The following WDFY3 variants were observed in gnomAD, a reference collection of about 807,000 sequenced individuals.
WDFY3 encodes the protein WD repeat and FYVE domain containing 3, also known as WD repeat and FYVE domain-containing protein 3.
In WDFY3, 66 loss-of-function variants were observed where a neutral mutation model predicts 409.6. That is an observed-to-expected ratio of 0.16 (90% CI 0.13 to 0.20). WDFY3 has a LOEUF of 0.20. Among genes scored for constraint, WDFY3 ranks in the 10% least tolerant of loss-of-function variants. The pLI is 1.00. For missense variants in WDFY3, 3,031 were observed against 4,298.1 expected (o/e 0.71, Z 8.24); for synonymous variants, 1,521 against 1,537.1 (o/e 0.99, Z 0.25).
At position 84,812,805 on chromosome 4, in the gene WDFY3, T is replaced by C. The variant is rs534145377; in HGVS notation, c.1888-2461A>G. 3.2e-4 allele frequency among the ~76,000 whole-genome samples: 49 copies of C among 152,242 alleles called. 1 individual carries two copies. Among genetic ancestry groups the C allele is most frequent in the Middle Eastern group, 3.4e-3 (1 of 294 alleles). On this transcript the variant is annotated intron_variant, in intron 13 of 67. Coordinates refer to ENST00000295888, the MANE Select transcript of WDFY3 (RefSeq NM_014991.6). Reference sequence around the variant, plus strand: ...CTACTTCCTCAAAACTGGTATCTGTTGTTGCTCTGACATTATCCCAAGCAC... The same window carrying C: ...CTACTTCCTCAAAACTGGTATCTGTCGTTGCTCTGACATTATCCCAAGCAC...
At position 84,782,478 on chromosome 4, in the gene WDFY3, T is replaced by A. The variant is rs986072785; in HGVS notation, c.4174+485A>T. On this transcript the variant is annotated intron_variant, in intron 25 of 67. Transcript: ENST00000295888. ...GTGGTTTGCTGCACCTATAAACCTG[T>A]CACCTAGGTATTAAGCACCACATGC... Among the ~76,000 whole-genome samples the A allele has an allele frequency of 3.3e-5, 5 of 152,162 alleles. No individual in the cohort carries two copies. The South Asian group carries it at 1.0e-3, about 31-fold the overall frequency.
chr4:84,859,352 T>C (rs1409751269), intron 4 of WDFY3, among the ~76,000 whole-genome samples: 1 of 152,176 alleles, frequency 6.6e-6, no homozygotes, highest in Admixed American at 6.6e-5. Flanking sequence ...TGTATGTATG[T>C]ACATTATGGT....
intron 9 of WDFY3, 76 bp from the exon 10 acceptor site, chr4:84,827,057 A>T: frequency 6.8e-7 from 1 of 1,479,672 alleles, no homozygotes; most frequent in East Asian, 2.4e-5. Context: ...GTATTTTTCA[A>T]TTTTATATGC....
At chr4:84,785,337 C>G (rs1261923367) in intron 24 of WDFY3, among the ~76,000 whole-genome samples, 1 of 152,110 alleles carries the variant, frequency 6.6e-6, no homozygotes, top group African/African-American at 2.4e-5. Context: ...ATACAAAACA[C>G]TCCCACACCC....
Position 84,688,189 on chromosome 4 carries a change from C to T in WDFY3, c.9440G>A (p.Arg3147His), listed in dbSNP as rs574392751. 14 of 1,614,132 alleles carry T rather than the reference C, an allele frequency of 8.7e-6. No individual in the cohort carries two copies. The highest frequency in any genetic ancestry group is 5.0e-5 in the Admixed American group (3 of 59,992). The change falls in exon 62 of 68, where the codon CGT becomes CAT. Residue 3147 changes from arginine to histidine, a missense_variant. Transcript: ENST00000295888. ...ATCCCAAATGATACAGGTTCGATCA[C>T]GGGACCCACTGACAATTATGTGATA... ...LAYHIIVSGS[R>H]DRTCIIWDLN...
At chr4:84,741,981 T>A (rs1313116375) in intron 37 of WDFY3, 60 bp from the exon 38 acceptor site, 2 of 1,437,634 alleles carry the variant, frequency 1.4e-6, no homozygotes, top group Non-Finnish European at 1.9e-6. Context: ...CAGGACCAGA[T>A]CCTCAAAAAA....
intron 1 of WDFY3, among the ~76,000 whole-genome samples, chr4:84,942,763 GTCT>G (rs749539973): frequency 1.1e-4 from 16 of 152,228 alleles, no homozygotes; most frequent in Non-Finnish European, 2.4e-4. Context: ...AGGGTTCTTT[GTCT>G]TCTTATTATT....
At chr4:84,691,856 T>A in intron 59 of WDFY3, 71 bp from the exon 60 acceptor site, 1 of 1,360,362 alleles carries the variant, frequency 7.4e-7, no homozygotes, top group Non-Finnish European at 9.9e-7. Flanking sequence ...TAGAGCATGA[T>A]AATTTCAAAT....
At chr4:84,689,726 T>TAGAGTAAAAA (rs1728938408) in intron 61 of WDFY3, among the ~76,000 whole-genome samples, 1 of 152,206 alleles carries the variant, frequency 6.6e-6, no homozygotes. Flanking sequence ...AACCTGTGTC[T>TAGAGTAAAAA]TTTTCAGGGG....
chr4:84,775,488 G>A (rs1560728557), intron 27 of WDFY3, among the ~76,000 whole-genome samples: 1 of 151,548 alleles, frequency 6.6e-6, no homozygotes, highest in Non-Finnish European at 1.5e-5. Flanking sequence ...AAAATATACT[G>A]GACGGCATTA....
At chr4:84,945,098 A>C (rs891161430) in intron 1 of WDFY3, among the ~76,000 whole-genome samples, 40 of 152,154 alleles carry the variant, frequency 2.6e-4, no homozygotes, top group African/African-American at 9.6e-4. Context: ...ACAAATCAAA[A>C]TACAAAGCCT....
intron 6 of WDFY3, among the ~76,000 whole-genome samples, chr4:84,839,080 G>A (rs2150009487): frequency 6.6e-6 from 1 of 152,180 alleles, no homozygotes; most frequent in Admixed American, 6.5e-5. Flanking sequence ...TGGCCACTAA[G>A]CAAAGTGGTA....
At chr4:84,841,798 T>C (rs1273601356) in intron 5 of WDFY3, among the ~76,000 whole-genome samples, 10 of 152,290 alleles carry the variant, frequency 6.6e-5, no homozygotes, top group Non-Finnish European at 1.5e-5. Flanking sequence ...TGTATTTGAT[T>C]TTCTGGGCAA....
At chr4:84,908,467 A>T (rs1767337885) in intron 2 of WDFY3, among the ~76,000 whole-genome samples, 1 of 152,220 alleles carries the variant, frequency 6.6e-6, no homozygotes, top group Non-Finnish European at 1.5e-5. Flanking sequence ...CAAACCCTCT[A>T]AACTCAAAAG....
At chr4:84,947,028 C>T (rs1434185187) in intron 1 of WDFY3, among the ~76,000 whole-genome samples, 1 of 151,140 alleles carries the variant, frequency 6.6e-6, no homozygotes, top group Non-Finnish European at 1.5e-5. Flanking sequence ...AGGATGGTCT[C>T]GATCTCCTGA....
chr4:84,690,380 C>T (rs773801465), intron 61 of WDFY3, 126 bp downstream of exon 61: 13 of 1,324,974 alleles, frequency 9.8e-6, no homozygotes, highest in East Asian at 4.7e-5. Flanking sequence ...AGCAACAGAA[C>T]GTCACTTTGG....
Position 84,865,367 on chromosome 4 carries a change from T to G in WDFY3, c.-31-4745A>C, listed in dbSNP as rs529593172. On this transcript the variant is annotated intron_variant, in intron 3 of 67. Coordinates refer to ENST00000295888, the MANE Select transcript of WDFY3 (RefSeq NM_014991.6). The stretch of plus-strand genomic sequence containing the variant: ...TGACCAAACTCTAGTTAGGCTCTTC[T>G]GAATTCTCCTCTCAACTAGGCTTGG... Among the ~76,000 whole-genome samples the G allele has an allele frequency of 2.0e-5, 3 of 152,352 alleles. No homozygotes were observed. In the South Asian group the frequency reaches 6.2e-4, roughly 32 times the overall value.
intron 16 of WDFY3, 86 bp from the exon 17 acceptor site, chr4:84,801,950 ATT>A (rs202037676): frequency 1.2e-3 from 1,244 of 1,061,294 alleles, no homozygotes; most frequent in Admixed American, 1.3e-3. Flanking sequence ...TACCTTTTTA[ATT>A]TTTTTTTTTT....
intron 9 of WDFY3, among the ~76,000 whole-genome samples, chr4:84,827,673 G>C (rs1755055774): frequency 6.6e-6 from 1 of 152,110 alleles, no homozygotes; most frequent in Non-Finnish European, 1.5e-5. Flanking sequence ...GTTCTCAAAG[G>C]ATAAATCAAT....
Sources: allele counts gnomAD v4.1 joint callset (sites outside exome capture counted in the v4.1 genomes callset), GRCh38; gene constraint gnomAD v4.1.1; transcripts MANE v1.5; gene names NCBI Gene and HGNC (gene_info 2026-07-23, HGNC 2026-07-21).